FOXN2: variants seen among roughly 807,000 people sequenced by gnomAD.
FOXN2 encodes forkhead box protein N2.
In FOXN2, 19 loss-of-function variants were observed where a neutral mutation model predicts 41.2. The observed-to-expected ratio is 0.46, with a 90% CI of 0.32 to 0.68. The LOEUF is 0.68. FOXN2 is among the 30% of genes least tolerant of loss of function. The pLI is 0.03. For missense variants in FOXN2, 587 were observed against 509.4 expected (o/e 1.15, Z -1.47); for synonymous variants, 195 against 176.8 (o/e 1.10, Z -0.82).
chr2:48,329,988 C>A (rs911664487), intron 2 of FOXN2, among the ~76,000 whole-genome samples: 1 of 151,278 alleles, frequency 6.6e-6, no homozygotes, highest in Admixed American at 6.6e-5. Context: ...TTGCTACTGA[C>A]TAGACAAATT....
chr2:48,371,984 G>A (rs764991672), intron 5 of FOXN2, among the ~76,000 whole-genome samples: 3 of 152,100 alleles, frequency 2.0e-5, no homozygotes, highest in Non-Finnish European at 4.4e-5. Flanking sequence ...AAACAGGGAC[G>A]TTTGACTTCC....
Sources: gnomAD v4.1 joint callset for allele counts (sites outside exome capture counted in the v4.1 genomes callset) on GRCh38, gnomAD v4.1.1 for gene constraint, MANE v1.5 for transcripts, NCBI Gene and HGNC (gene_info 2026-07-23, HGNC 2026-07-21) for gene names.